Variants in NSFL1C observed in about 807,000 individuals in gnomAD.
The protein encoded by NSFL1C is NSFL1 cofactor p47.
Under a neutral mutation model 43.1 loss-of-function variants are expected in NSFL1C, and 14 were observed. The observed-to-expected ratio is 0.32, with a 90% confidence interval of 0.21 to 0.51. The LOEUF is 0.51. NSFL1C is among the 20% of genes least tolerant of loss of function. The pLI is 0.98. For missense variants in NSFL1C, 406 were observed against 472.5 expected (o/e 0.86, Z 1.30); for synonymous variants, 171 against 183.5 (o/e 0.93, Z 0.55).
intron 2 of NSFL1C, among the ~76,000 whole-genome samples, chr20:1,461,865 C>T (rs1410559719): frequency 2.6e-5 from 4 of 152,130 alleles, no homozygotes; most frequent in East Asian, 1.9e-4. Flanking sequence ...GTGCCTCACT[C>T]GTAAATACTC....
At chr20:1,447,080 A>T (rs1423962708) in intron 7 of NSFL1C, among the ~76,000 whole-genome samples, 1 of 152,182 alleles carries the variant, frequency 6.6e-6, no homozygotes, top group Admixed American at 6.5e-5. Context: ...AAGCAAACTT[A>T]CTCTTTTCTG....
chr20:1,458,592 G>A (rs978536326), intron 2 of NSFL1C, among the ~76,000 whole-genome samples: 17 of 152,228 alleles, frequency 1.1e-4, no homozygotes, highest in African/African-American at 3.9e-4. Flanking sequence ...TGTTGTGTGG[G>A]GTGGGCACAA....
intron 5 of NSFL1C, among the ~76,000 whole-genome samples, chr20:1,453,578 G>A (rs1018714241): frequency 2.6e-5 from 4 of 152,084 alleles, no homozygotes; most frequent in African/African-American, 9.7e-5. Flanking sequence ...CACAGCAAAG[G>A]GTCTAGAAGG....
Position 1,455,138 on chromosome 20 carries a change from T to G in NSFL1C, c.279-6A>C. ...CTGAGCCCCCAGCATAAAACCTGTG[T>G]ACAAAATACACCTCTAACATGAAAC... On this transcript the variant is annotated splice_region_variant and splice_polypyrimidine_tract_variant and intron_variant, in intron 3 of 8. Transcript: ENST00000216879. 1 of 1,614,168 alleles carries G rather than the reference T, an allele frequency of 6.2e-7. No homozygotes were observed.
In NSFL1C at chr20:1,449,093, G is replaced by C. The variant is rs2090131516; in HGVS notation, c.786-3263C>G. Among the ~76,000 whole-genome samples, 3 of 152,324 alleles carry C rather than the reference G, an allele frequency of 2.0e-5. No homozygotes were observed. In the South Asian group the frequency reaches 6.2e-4, roughly 32 times the overall value. ...TGGCAGGTAAAGGCAGAGACTGGAGGGACCCAGCTCTGCACTGGCCAGCAA... is the reference window on the plus strand; with the variant it reads ...TGGCAGGTAAAGGCAGAGACTGGAGCGACCCAGCTCTGCACTGGCCAGCAA... On this transcript the variant is annotated intron_variant, in intron 7 of 8. Transcript: ENST00000216879.
intron 6 of NSFL1C, 141 bp from the exon 7 acceptor site, chr20:1,452,771 CT>C: frequency 3.9e-6 from 4 of 1,027,614 alleles, no homozygotes; most frequent in Middle Eastern, 2.5e-4. Context: ...TGGTGGCTAC[CT>C]GTCTGCCTCC....
intron 8 of NSFL1C, 55 bp from the exon 9 acceptor site, chr20:1,443,966 G>C: frequency 6.4e-7 from 1 of 1,550,686 alleles, no homozygotes; most frequent in Non-Finnish European, 8.7e-7. Flanking sequence ...CCATACCCCT[G>C]CCCTGTGGAA....
At chr20:1,444,998 T>C (rs2090029180) in intron 8 of NSFL1C, among the ~76,000 whole-genome samples, 1 of 152,228 alleles carries the variant, frequency 6.6e-6, no homozygotes, top group Admixed American at 6.5e-5. Flanking sequence ...GCTGGCTTAG[T>C]TGGCTCATGA....
Position 1,464,169 on chromosome 20 carries a change from G to A in NSFL1C, c.203+160C>T, listed in dbSNP as rs535799100. 10 of 646,994 alleles carry A rather than the reference G, an allele frequency of 1.5e-5. No individual in the cohort carries two copies. The African/African-American group carries it at 1.6e-4, about 10-fold the overall frequency. 40.1% of individuals were successfully genotyped at this position (646,994 alleles called of 1,614,324 possible). ...TTAAAAGTCATGCATCTCTGTATAG[G>A]AAATGACTGAGGCCTGCTGGGAAGT... On this transcript the variant is annotated intron_variant, in intron 2 of 8. Coordinates refer to ENST00000216879, the MANE Select transcript of NSFL1C (RefSeq NM_016143.5).
rs532242649 is a variant in NSFL1C at position 1,463,713 on chromosome 20, G to A, written c.203+616C>T. Among the ~76,000 whole-genome samples, 9 of 152,282 alleles carry A rather than the reference G, an allele frequency of 5.9e-5. No homozygotes were observed. In the East Asian group the frequency reaches 1.5e-3, roughly 26 times the overall value. On this transcript the variant is annotated intron_variant, in intron 2 of 8. Transcript: ENST00000216879. ...CTTACACACTCTCTGTAAAGGTTCA[G>A]ACACCTTTACAGGAAGCACCCCTGC...
At chr20:1,462,856 T>C (rs2090442252) in intron 2 of NSFL1C, among the ~76,000 whole-genome samples, 1 of 152,118 alleles carries the variant, frequency 6.6e-6, no homozygotes, top group Non-Finnish European at 1.5e-5. Context: ...TACATACTTG[T>C]TGGGGAATAG....
intron 7 of NSFL1C, among the ~76,000 whole-genome samples, chr20:1,449,507 G>A (rs1599943657): frequency 6.6e-6 from 1 of 152,202 alleles, no homozygotes; most frequent in East Asian, 1.9e-4. Flanking sequence ...CCGCAGGGCA[G>A]CCACACGCAT....
At chr20:1,457,585 C>T (rs4546067) in intron 3 of NSFL1C, among the ~76,000 whole-genome samples, 83,309 of 152,030 alleles carry the variant, frequency 0.55, 23,015 homozygotes, top group East Asian at 0.79. Context: ...CCTTTGACCA[C>T]CATCTCCCCA....
intron 2 of NSFL1C, among the ~76,000 whole-genome samples, chr20:1,461,420 T>C (rs904924834): frequency 6.6e-6 from 1 of 152,088 alleles, no homozygotes; most frequent in Non-Finnish European, 1.5e-5. Context: ...ATGGGATTTG[T>C]ATAGGCAGAA....
Position 1,443,875 on chromosome 20 carries a change from C to T in NSFL1C, c.987G>A (p.Arg329=), listed in dbSNP as rs1445574538. The change falls in exon 9 of 9, where the codon CGG becomes CGA. Residue 329 remains arginine (R), a synonymous_variant. Coordinates refer to ENST00000216879, the MANE Select transcript of NSFL1C (RefSeq NM_016143.5). ...SDIRLFIVDA[R]PAMAATSFIL... ...TAAAGCTGGTGGCAGCCATGGCTGGCCGGGCATCCACGATGAAGAGTCGGA... is the reference window on the plus strand; with the variant it reads ...TAAAGCTGGTGGCAGCCATGGCTGGTCGGGCATCCACGATGAAGAGTCGGA... 3.7e-6 allele frequency: 6 copies of T among 1,613,256 alleles called. No homozygotes were observed. The East Asian group carries it at 1.3e-4, about 36-fold the overall frequency.
rs113061015 is a variant in NSFL1C, at chr20:1,464,291, G to A, written c.203+38C>T. The A allele has an allele frequency of 1.9e-4, 294 of 1,572,580 alleles. 1 individual carries two copies. In the African/African-American group the frequency reaches 2.5e-3, roughly 13 times the overall value. On this transcript the variant is annotated intron_variant, in intron 2 of 8. Transcript: ENST00000216879. ...AGAAAATAGCTCCTCTTCACTGCTGGAAACACTCATGTAGCGATAATTGAA... is the reference window on the plus strand; with the variant it reads ...AGAAAATAGCTCCTCTTCACTGCTGAAAACACTCATGTAGCGATAATTGAA...
chr20:1,454,816 G>A, intron 4 of NSFL1C, 151 bp downstream of exon 4: 1 of 815,064 alleles, frequency 1.2e-6, no homozygotes, highest in Non-Finnish European at 2.0e-6. Context: ...CACGTTAAAG[G>A]GTGAGATAAA....
chr20:1,453,251 C>T, intron 5 of NSFL1C, 111 bp from the exon 6 acceptor site: 1 of 686,342 alleles, frequency 1.5e-6, no homozygotes, highest in Non-Finnish European at 2.6e-6. Context: ...TTAAAACACA[C>T]ATAGAGACAC....
chr20:1,456,287 A>G (rs755487600), intron 3 of NSFL1C: 30 of 153,278 alleles, frequency 2.0e-4, no homozygotes, highest in Non-Finnish European at 3.8e-4. Flanking sequence ...GTGGGAGGAG[A>G]ACGAGAAAGA....
Sources: allele counts gnomAD v4.1 joint callset (sites outside exome capture counted in the v4.1 genomes callset), GRCh38; gene constraint gnomAD v4.1.1; transcripts MANE v1.5; gene names NCBI Gene and HGNC (gene_info 2026-07-23, HGNC 2026-07-21).